The following PARVB variants were observed in gnomAD, a reference collection of about 807,000 sequenced individuals.
PARVB encodes the protein beta-parvin.
A neutral mutation model predicts 47.0 loss-of-function variants in PARVB; 46 were observed. That is an observed-to-expected ratio of 0.98 (90% CI 0.77 to 1.25). The LOEUF (loss-of-function observed/expected upper bound fraction) is 1.25, where lower values mean the gene tolerates loss of function less well. PARVB is among the 50% of genes most tolerant of loss of function. PARVB has a pLI of 0.00. For missense variants in PARVB, 473 were observed against 471.6 expected (o/e 1.00, Z -0.03); for synonymous variants, 196 against 196.3 (o/e 1.00, Z 0.01).
intron 4 of PARVB, chr22:44,119,771 ATT>A: frequency 1.9e-6 from 1 of 532,390 alleles, no homozygotes. Context: ...AAAGACAAAT[ATT>A]TTTGAATGGT....
chr22:44,101,092 G>A (rs888484024), intron 3 of PARVB, among the ~76,000 whole-genome samples: 8 of 152,174 alleles, frequency 5.3e-5, no homozygotes, highest in African/African-American at 9.7e-5. Context: ...TAAGTAAGAC[G>A]GCTTGCAAGT....
At chr22:44,079,027 C>T (rs2051839756) in intron 1 of PARVB, among the ~76,000 whole-genome samples, 1 of 152,148 alleles carries the variant, frequency 6.6e-6, no homozygotes, top group South Asian at 2.1e-4. Context: ...GCGCCCGGCC[C>T]CTGTGAGTTT....
At chr22:44,143,539 G>C (rs1460559740) in intron 8 of PARVB, 1 of 152,324 alleles carries the variant, frequency 6.6e-6, no homozygotes, top group Non-Finnish European at 1.5e-5. Context: ...TAATGTGCTG[G>C]GCTTTGCCAG....
At chr22:44,147,380 G>A in intron 8 of PARVB, 1 of 311,448 alleles carries the variant, frequency 3.2e-6, no homozygotes, top group Admixed American at 4.0e-5. Flanking sequence ...GGGCTCAGGG[G>A]CCAGGAGTGG....
At chr22:44,136,641 T>C (rs906791510) in intron 7 of PARVB, 123 bp downstream of exon 7, 1 of 760,598 alleles carries the variant, frequency 1.3e-6, no homozygotes, top group Non-Finnish European at 2.4e-6. Flanking sequence ...ACCCCTTCTC[T>C]GTAGCATGTG....
intron 4 of PARVB, among the ~76,000 whole-genome samples, chr22:44,124,262 A>G (rs2053137856): frequency 6.6e-6 from 1 of 152,172 alleles, no homozygotes; most frequent in Non-Finnish European, 1.5e-5. Context: ...TAGAGCCCTG[A>G]TATGTTTTCA....
chr22:44,066,419 C>G (rs576685586), intron 1 of PARVB, among the ~76,000 whole-genome samples: 1 of 152,192 alleles, frequency 6.6e-6, no homozygotes, highest in African/African-American at 2.4e-5. Context: ...TTGTAACTTA[C>G]GTTTGGCTCA....
In PARVB at chr22:44,049,059, G is replaced by A. The variant is rs531582792; in HGVS notation, c.112+24608G>A. 2.6e-5 allele frequency among the ~76,000 whole-genome samples: 4 copies of A among 152,298 alleles called. No individual in the cohort carries two copies. The highest frequency in any genetic ancestry group is 2.1e-4 in the South Asian group (1 of 4,828). ...CTCCCAGCCACATGGCCTCGGATCC[G>A]GGCTGCAGGTCCAGGCTTTCCGGCT... On this transcript the variant is annotated intron_variant, in intron 1 of 12. Transcript: ENST00000338758. The surrounding 1 kb of genome is among the most constrained non-coding windows in gnomAD (Gnocchi z 4.0).
At chr22:44,055,109 A>G (rs2146946113) in intron 1 of PARVB, among the ~76,000 whole-genome samples, 1 of 152,248 alleles carries the variant, frequency 6.6e-6, no homozygotes, top group East Asian at 1.9e-4. Context: ...TACACATACA[A>G]AAGAGTGTAC....
intron 1 of PARVB, among the ~76,000 whole-genome samples, chr22:44,034,568 C>CATCT (rs1270893810): frequency 1.3e-5 from 2 of 151,964 alleles, no homozygotes; most frequent in African/African-American, 2.4e-5. Context: ...TCTTGAGAAG[C>CATCT]ATCTGGCCCA....
At chr22:44,127,460 A>G (rs568388185) in intron 4 of PARVB, among the ~76,000 whole-genome samples, 38 of 152,356 alleles carry the variant, frequency 2.5e-4, no homozygotes, top group African/African-American at 8.7e-4. Flanking sequence ...TGATGTAGGC[A>G]TTCAGCTCTT....
At chr22:44,148,191 C>T (rs2053728411) in intron 9 of PARVB, 3 of 501,068 alleles carry the variant, frequency 6.0e-6, no homozygotes, top group East Asian at 3.6e-5. Flanking sequence ...CTTTCTGACT[C>T]GAGACCTTTT....
upstream of PARVB, among the ~76,000 whole-genome samples, chr22:44,023,734 C>T (rs1394521648): frequency 6.6e-6 from 1 of 152,092 alleles, no homozygotes; most frequent in Non-Finnish European, 1.5e-5. Flanking sequence ...TTCTGCTCAC[C>T]TCATGGTACC....
At chr22:44,137,350 A>C (rs1415578981) in intron 7 of PARVB, among the ~76,000 whole-genome samples, 1 of 152,192 alleles carries the variant, frequency 6.6e-6, no homozygotes, top group African/African-American at 2.4e-5. Flanking sequence ...CACGAAGGGA[A>C]CAGGGAGAGC....
At chr22:44,166,817 CCTT>C (rs2054178621) in intron 12 of PARVB, among the ~76,000 whole-genome samples, 2 of 152,238 alleles carry the variant, frequency 1.3e-5, no homozygotes, top group African/African-American at 4.8e-5. Flanking sequence ...AGAGACTTTT[CCTT>C]CTTCATTCAA....
At chr22:44,024,596 G>C in intron 1 of PARVB, 145 bp downstream of exon 1, 1 of 297,894 alleles carries the variant, frequency 3.4e-6, no homozygotes, top group Admixed American at 5.9e-5. Flanking sequence ...GGACAGGCCA[G>C]GCCTTTGACC....
At chr22:44,122,538 G>GAC (rs2053082850) in intron 4 of PARVB, among the ~76,000 whole-genome samples, 1 of 101,608 alleles carries the variant, frequency 9.8e-6, no homozygotes, top group African/African-American at 5.0e-5. Context: ...CAGAGAGAGA[G>GAC]AGAGAGAGAG....
At chr22:44,040,654 A>C (rs555623634) in intron 1 of PARVB, among the ~76,000 whole-genome samples, 74 of 152,186 alleles carry the variant, frequency 4.9e-4, no homozygotes, top group Non-Finnish European at 8.7e-4. Context: ...AGCCCTGCTG[A>C]CACCTTGATT....
intron 3 of PARVB, chr22:44,107,751 G>A (rs568498051): frequency 6.6e-6 from 1 of 152,338 alleles, no homozygotes; most frequent in Non-Finnish European, 1.5e-5. Context: ...AGAGAGCTTT[G>A]GCGCTGGGAA....
Sources: gnomAD v4.1 joint callset for allele counts (sites outside exome capture counted in the v4.1 genomes callset) on GRCh38, gnomAD v4.1.1 for gene constraint, Gnocchi (gnomAD v3.1) non-coding constraint, MANE v1.5 for transcripts, NCBI Gene and HGNC (gene_info 2026-07-23, HGNC 2026-07-21) for gene names.